ARHGEF18: variants seen among roughly 807,000 people sequenced by gnomAD.
ARHGEF18 encodes the protein Rho/Rac guanine nucleotide exchange factor 18, also known as rho guanine nucleotide exchange factor 18.
In ARHGEF18, 93 loss-of-function variants were observed where a neutral mutation model predicts 155.7. The ratio of observed to expected loss-of-function variants is 0.60; its 90% CI spans 0.50 to 0.71. The LOEUF is 0.71. ARHGEF18 is among the 30% of genes least tolerant of loss of function. The pLI is 0.00. For synonymous variants in ARHGEF18, 742 were observed against 753.1 expected (o/e 0.99, Z 0.24); for missense variants, 1,593 against 1,816.1 (o/e 0.88, Z 2.23).
chr19:7,367,977 AAGAGAGAGAG>A (rs537429456), intron 2 of ARHGEF18, among the ~76,000 whole-genome samples: 1 of 66,760 alleles, frequency 1.5e-5, no homozygotes, highest in Non-Finnish European at 2.5e-5. Flanking sequence ...AAAGGAAAGA[AAGAGAGAGAG>A]AGAGAGAGAG....
chr19:7,359,406 T>A (rs1291417888), intron 1 of ARHGEF18, among the ~76,000 whole-genome samples: 1 of 152,038 alleles, frequency 6.6e-6, no homozygotes, highest in Non-Finnish European at 1.5e-5. Flanking sequence ...AATATTGGAA[T>A]CAGGACACAG....
Position 7,453,594 on chromosome 19 carries a change from G to A in ARHGEF18, c.1983G>A (p.Met661Ile), listed in dbSNP as rs1334026891. 2 of 1,613,730 alleles carry A rather than the reference G, an allele frequency of 1.2e-6. No homozygotes were observed. Among genetic ancestry groups the A allele is most frequent in the East Asian group, 2.2e-5 (1 of 44,886 alleles). Residue 661 changes from methionine (M) to isoleucine (I), a missense_variant, in exon 17 of 29, where the codon ATG becomes ATA. Coordinates refer to ENST00000668164, the MANE Select transcript of ARHGEF18 (RefSeq NM_001367823.1). The stretch of plus-strand genomic sequence containing the variant: ...GCCTCAGGGAGATCGCAGGGAAGAT[G>A]GACCTGAAGTCTTCCAGCAAACTCA... Reference protein sequence around the residue: ...GQRLREIAGKMDLKSSSKLKN... With the variant: ...GQRLREIAGKIDLKSSSKLKN...
At position 7,463,312 on chromosome 19, in the gene ARHGEF18, C is replaced by A. The variant is rs929523497; in HGVS notation, c.2636-506C>A. ...CCCCTGGGGACACTCTCATATCCCGCACCTTGGCCTGGAATGTTCTTGTCC... is the reference window on the plus strand; with the variant it reads ...CCCCTGGGGACACTCTCATATCCCGAACCTTGGCCTGGAATGTTCTTGTCC... On this transcript the variant is annotated intron_variant, in intron 21 of 28. Coordinates refer to ENST00000668164, the MANE Select transcript of ARHGEF18 (RefSeq NM_001367823.1). This position sits in a 1 kb window ranked among gnomAD's most constrained non-coding sequence, Gnocchi z 5.2. Among the ~76,000 whole-genome samples the A allele has an allele frequency of 9.2e-5, 14 of 152,208 alleles. 1 individual carries two copies. The highest frequency in any genetic ancestry group is 7.9e-4 in the Admixed American group (12 of 15,286).
chr19:7,458,581 A>T lies in ARHGEF18; in HGVS notation c.2251A>T (p.Met751Leu). 6.2e-7 allele frequency: 1 copy of T among 1,614,140 alleles called. No individual in the cohort carries two copies. Residue 751 changes from methionine to leucine, a missense_variant, in exon 19 of 29, where the codon ATG becomes TTG. Met to Leu is a conservative substitution (Grantham distance 15). Transcript: ENST00000668164. ...GGAAGTGGCCAACGAGGAGAAAGCG[A>T]TGTTTCTGATCAGCGCCTCCTTGCA... is the stretch of plus-strand genomic sequence containing the variant. Reference protein sequence around the residue: ...VREVANEEKAMFLISASLQGP... With the variant: ...VREVANEEKALFLISASLQGP...
At chr19:7,445,146 C>G (rs1029997423) in intron 14 of ARHGEF18, among the ~76,000 whole-genome samples, 3 of 152,140 alleles carry the variant, frequency 2.0e-5, no homozygotes, top group Non-Finnish European at 4.4e-5. Flanking sequence ...TGCTTTCAAC[C>G]GTTCAAAGCT....
At chr19:7,397,473 T>C (rs1600291967) in intron 10 of ARHGEF18, among the ~76,000 whole-genome samples, 3 of 150,108 alleles carry the variant, frequency 2.0e-5, no homozygotes, top group East Asian at 3.9e-4. Context: ...GGCTCACACC[T>C]GTAATCCCAG....
At chr19:7,383,269 A>G (rs1970833024) in intron 10 of ARHGEF18, 66 bp downstream of exon 10, 1 of 1,229,918 alleles carries the variant, frequency 8.1e-7, no homozygotes, top group Non-Finnish European at 1.0e-6. Context: ...CGTCCTTTCA[A>G]TCATACTCCT....
chr19:7,352,106 T>C (rs951268985), intron 1 of ARHGEF18, among the ~76,000 whole-genome samples: 16 of 152,218 alleles, frequency 1.1e-4, no homozygotes, highest in African/African-American at 3.9e-4. Flanking sequence ...CCTGGTAGTC[T>C]GATTAAATGC....
chr19:7,439,664 G>GC, intron 10 of ARHGEF18: 1 of 1,178,234 alleles, frequency 8.5e-7, no homozygotes, highest in Non-Finnish European at 1.1e-6. Flanking sequence ...AATTCTGTTC[G>GC]AGTGCTGATG....
intron 10 of ARHGEF18, among the ~76,000 whole-genome samples, chr19:7,392,335 G>C (rs1326331793): frequency 2.0e-5 from 3 of 151,782 alleles, no homozygotes; most frequent in African/African-American, 7.3e-5. Context: ...TTGTCTCTGA[G>C]AAAGTTGGTT....
chr19:7,395,026 G>A lies in ARHGEF18; in HGVS notation c.967+11823G>A. 3 of 984,136 alleles carry A rather than the reference G, an allele frequency of 3.0e-6. No individual in the cohort carries two copies. Among genetic ancestry groups the A allele is most frequent in the Non-Finnish European group, 3.6e-6 (3 of 828,772 alleles). 61.0% of individuals were successfully genotyped at this position (984,136 alleles called of 1,614,324 possible). ...GGGGAGCAGCAGCCCCAGGTCCCCG[G>A]GAGCGCCCCGCCCTCGAGGGCACGC... On this transcript the variant is annotated intron_variant, in intron 10 of 28. Coordinates refer to ENST00000668164, the MANE Select transcript of ARHGEF18 (RefSeq NM_001367823.1). This position sits in a 1 kb window ranked among gnomAD's most constrained non-coding sequence, Gnocchi z 5.0.
At chr19:7,374,618 CA>C (rs1308355750) in intron 3 of ARHGEF18, among the ~76,000 whole-genome samples, 2 of 151,128 alleles carry the variant, frequency 1.3e-5, no homozygotes, top group Non-Finnish European at 2.9e-5. Flanking sequence ...ACAGAGGTTG[CA>C]GTGAGCCAAG....
At chr19:7,458,455 GCTGTTTGGGTGCTGTGGGGTA>G in intron 18 of ARHGEF18, 36 bp from the exon 19 acceptor site, 1 of 1,554,758 alleles carries the variant, frequency 6.4e-7, no homozygotes, top group Non-Finnish European at 8.8e-7. Flanking sequence ...TGACCTCCCT[GCTGTTTGGGTGCTGTGGGGTA>G]AAGGGTGACC....
intron 16 of ARHGEF18, 21 bp from the exon 17 acceptor site, chr19:7,453,446 T>C: frequency 5.1e-6 from 8 of 1,571,652 alleles, no homozygotes; most frequent in Non-Finnish European, 6.9e-6. Context: ...AGAAAGACGC[T>C]AACTCTGCTA....
chr19:7,410,828 A>T (rs1730998313), intron 10 of ARHGEF18, among the ~76,000 whole-genome samples: 1 of 145,108 alleles, frequency 6.9e-6, no homozygotes, highest in Non-Finnish European at 1.5e-5. Flanking sequence ...AAAAAAAAAA[A>T]GGTTTTTCAC....
At chr19:7,456,478 A>G in intron 18 of ARHGEF18, 75 bp downstream of exon 18, 1 of 1,392,042 alleles carries the variant, frequency 7.2e-7, no homozygotes, top group Non-Finnish European at 1.0e-6. Context: ...GCACTTTGGG[A>G]GGCCGAGGTG....
At chr19:7,442,143 TTCCTTCCTTCCTTCCTTCCTTCCTTC>T in intron 13 of ARHGEF18, 91 bp downstream of exon 13, 1 of 436,266 alleles carries the variant, frequency 2.3e-6, no homozygotes, top group Non-Finnish European at 3.1e-6. Context: ...CCTTCCTTCC[TTCCTTCCTTCCTTCCTTCCTTCCTTC>T]CTTATCTTTT....
intron 10 of ARHGEF18, among the ~76,000 whole-genome samples, chr19:7,394,686 C>A (rs979456578): frequency 3.3e-5 from 5 of 150,744 alleles, no homozygotes; most frequent in Non-Finnish European, 7.4e-5. Flanking sequence ...CTGTGCTGTA[C>A]CCCCCTTGAG....
downstream of ARHGEF18, among the ~76,000 whole-genome samples, chr19:7,475,101 G>A (rs1054563104): frequency 1.3e-5 from 2 of 152,088 alleles, no homozygotes; most frequent in African/African-American, 2.4e-5. Context: ...GGCATGCTTG[G>A]GCGTGCCTGT....
Sources: allele counts gnomAD v4.1 joint callset (sites outside exome capture counted in the v4.1 genomes callset), GRCh38; gene constraint gnomAD v4.1.1; non-coding constraint Gnocchi (gnomAD v3.1); transcripts MANE v1.5; gene names NCBI Gene and HGNC (gene_info 2026-07-23, HGNC 2026-07-21).